LCA5L: variants seen among roughly 807,000 people sequenced by gnomAD.
The protein encoded by LCA5L is lebercilin LCA5 like.
LCA5L carries 35 observed loss-of-function variants against 45.4 expected under a neutral mutation model. The observed-to-expected ratio is 0.77, with a 90% confidence interval of 0.59 to 1.02. LCA5L has a LOEUF of 1.02. LCA5L is among the 50% of genes least tolerant of loss of function. The pLI is 0.00. For missense variants in LCA5L, 668 were observed against 761.6 expected, an observed-to-expected ratio of 0.88 and a Z score of 1.45; for synonymous variants, 233 against 264.7, an observed-to-expected ratio of 0.88 and a Z score of 1.16.
chr21:39,410,160 T>C, intron 9 of LCA5L, 64 bp from the exon 10 acceptor site: 1 of 1,295,044 alleles, frequency 7.7e-7, no homozygotes, highest in Non-Finnish European at 1.1e-6. Context: ...AATTGCATTT[T>C]ATTCTAATGA....
At chr21:39,423,604 A>G (rs2074113135) in intron 5 of LCA5L, 114 bp from the exon 6 acceptor site, 3 of 858,076 alleles carry the variant, frequency 3.5e-6, no homozygotes, top group South Asian at 2.3e-5. Flanking sequence ...ACACATACAC[A>G]CAAGCGTAAG....
intron 7 of LCA5L, among the ~76,000 whole-genome samples, chr21:39,415,657 T>C (rs1027100830): frequency 6.6e-6 from 1 of 152,252 alleles, no homozygotes; most frequent in Admixed American, 6.5e-5. Flanking sequence ...CCATTTTCTA[T>C]AGTTTTTAAA....
rs565108236 is a variant in LCA5L, at chr21:39,440,535, C to CA, written c.-246+3599dup. ...CCCGGACAAGAGTGAGACCCTGTCT[C>CA]AAAAAAAAACAAAACAAAATGGGAT... On this transcript the variant is annotated intron_variant, in intron 2 of 10. Coordinates refer to ENST00000288350, the MANE Select transcript of LCA5L (RefSeq NM_152505.4). Among the ~76,000 whole-genome samples, 225 of 149,556 alleles carry CA rather than the reference C, an allele frequency of 1.5e-3. No homozygotes were observed. The Middle Eastern group carries it at 0.027, about 18-fold the overall frequency.
intron 5 of LCA5L, chr21:39,427,856 GC>G: frequency 5.7e-6 from 1 of 175,468 alleles, no homozygotes; most frequent in Non-Finnish European, 1.2e-5. Flanking sequence ...AAGGCAAGAA[GC>G]CAGTGAAATC....
intron 2 of LCA5L, among the ~76,000 whole-genome samples, chr21:39,437,763 T>C (rs1262810271): frequency 6.6e-6 from 1 of 152,140 alleles, no homozygotes; most frequent in East Asian, 1.9e-4. Context: ...CTTTCCTCTA[T>C]GCAAAATAAA....
In LCA5L at chr21:39,409,938, A is replaced by T; in HGVS notation, c.1282+41T>A. On this transcript the variant is annotated intron_variant, in intron 10 of 10. Transcript: ENST00000288350. This position sits in a 1 kb window ranked among gnomAD's most constrained non-coding sequence, Gnocchi z 4.2. ...TACACATATAGTAATTCACAATTTT[A>T]AAGAAATCAGATAAGATAGACTTTA... The T allele has an allele frequency of 8.5e-7, 1 of 1,173,240 alleles. No individual in the cohort carries two copies. Among genetic ancestry groups the T allele is most frequent in the Non-Finnish European group, 1.2e-6 (1 of 800,390 alleles). 72.7% of individuals were successfully genotyped at this position (1,173,240 alleles called of 1,614,324 possible).
At chr21:39,433,606 C>T (rs1601933053) in intron 3 of LCA5L, among the ~76,000 whole-genome samples, 2 of 151,950 alleles carry the variant, frequency 1.3e-5, no homozygotes, top group Admixed American at 6.6e-5. Flanking sequence ...GCTTCAGCAC[C>T]GTTTGTTGCA....
At chr21:39,427,981 CCTTT>C (rs776814986) in intron 5 of LCA5L, 187 bp downstream of exon 5, 66 of 474,776 alleles carry the variant, frequency 1.4e-4, no homozygotes, top group Non-Finnish European at 2.3e-4. Context: ...ACATGTGAAG[CCTTT>C]CTGTTATTTT....
At chr21:39,417,875 C>T (rs947102073) in intron 7 of LCA5L, among the ~76,000 whole-genome samples, 1 of 152,160 alleles carries the variant, frequency 6.6e-6, no homozygotes, top group Non-Finnish European at 1.5e-5. Flanking sequence ...ACACCATTCT[C>T]CTGCCTCAGC....
chr21:39,431,719 T>C (rs2075746648), intron 3 of LCA5L, among the ~76,000 whole-genome samples: 1 of 152,174 alleles, frequency 6.6e-6, no homozygotes, highest in African/African-American at 2.4e-5. Context: ...GGTTTCACCA[T>C]GTTGGCCAGG....
At chr21:39,415,779 C>A (rs2041032979) in intron 7 of LCA5L, among the ~76,000 whole-genome samples, 1 of 152,126 alleles carries the variant, frequency 6.6e-6, no homozygotes, top group Non-Finnish European at 1.5e-5. Flanking sequence ...ATTTTTTCTG[C>A]TTTGCTATTT....
In LCA5L at chr21:39,411,866, TAA is replaced by T. The variant is rs1330034114; in HGVS notation, c.976-66_976-65del. ...TGCTTTTGTCAACCCTGATTTCTTT[TAA>T]AAACAATTTAAATGAGCTCAGTATC... is the stretch of plus-strand genomic sequence containing the variant. On this transcript the variant is annotated intron_variant, in intron 7 of 10. Transcript: ENST00000288350. The T allele has an allele frequency of 1.8e-5, 17 of 926,700 alleles. 1 individual carries two copies. The highest frequency in any genetic ancestry group is 2.9e-5 in the Non-Finnish European group (17 of 584,944). The allele number at this position is 926,700 out of a possible 1,614,324, so 57.4% of individuals were successfully genotyped here.
chr21:39,413,319 G>A (rs530909725), intron 7 of LCA5L, among the ~76,000 whole-genome samples: 1 of 152,252 alleles, frequency 6.6e-6, no homozygotes, highest in East Asian at 1.9e-4. Context: ...GAAAAAGTCT[G>A]CAAGTCTAAG....
chr21:39,432,572 G>C (rs868807517), intron 3 of LCA5L, among the ~76,000 whole-genome samples: 1 of 152,090 alleles, frequency 6.6e-6, no homozygotes, highest in Non-Finnish European at 1.5e-5. Context: ...TTAGAAATGT[G>C]TATCCCCATG....
At chr21:39,438,202 A>C (rs929096183) in intron 2 of LCA5L, among the ~76,000 whole-genome samples, 1 of 152,198 alleles carries the variant, frequency 6.6e-6, no homozygotes, top group Admixed American at 6.5e-5. Flanking sequence ...CAGAAACACA[A>C]ACAAATACAT....
At chr21:39,435,910 T>C (rs2076241707) in intron 2 of LCA5L, among the ~76,000 whole-genome samples, 1 of 152,216 alleles carries the variant, frequency 6.6e-6, no homozygotes. Flanking sequence ...AGTGCTGGGA[T>C]TACAGGTGTG....
chr21:39,407,647 G>T (rs898698430), intron 10 of LCA5L: 1 of 152,178 alleles, frequency 6.6e-6, no homozygotes, highest in Admixed American at 6.6e-5. Context: ...GAACTGATGG[G>T]GAAGGATGTT....
intron 6 of LCA5L, chr21:39,421,768 A>G (rs1601824757): frequency 6.6e-6 from 1 of 152,270 alleles, no homozygotes; most frequent in African/African-American, 2.4e-5. Context: ...CCACTCCCTA[A>G]AACATTAATG....
chr21:39,444,499 A>C (rs1256971021), intron 1 of LCA5L: 1 of 152,212 alleles, frequency 6.6e-6, no homozygotes, highest in African/African-American at 2.4e-5. Flanking sequence ...TATATAAGGA[A>C]ATTGTAATTT....
Sources: allele counts gnomAD v4.1 joint callset (sites outside exome capture counted in the v4.1 genomes callset), GRCh38; gene constraint gnomAD v4.1.1; non-coding constraint Gnocchi (gnomAD v3.1); transcripts MANE v1.5; gene names NCBI Gene and HGNC (gene_info 2026-07-23, HGNC 2026-07-21).